PCSK1: variants seen among roughly 807,000 people sequenced by gnomAD.
The protein encoded by PCSK1 is proprotein convertase subtilisin/kexin type 1, also known as neuroendocrine convertase 1.
PCSK1 carries 56 observed loss-of-function variants against 90.6 expected under a neutral mutation model. The ratio of observed to expected loss-of-function variants is 0.62; its 90% CI spans 0.50 to 0.77. The LOEUF (loss-of-function observed/expected upper bound fraction) is 0.77. Among genes scored for constraint, PCSK1 ranks in the 30% least tolerant of loss-of-function variants. PCSK1 has a pLI of 0.00. For missense variants in PCSK1, 801 were observed against 932.6 expected, an observed-to-expected ratio of 0.86 and a Z score of 1.84; for synonymous variants, 348 against 342.4, an observed-to-expected ratio of 1.02 and a Z score of -0.18.
intron 6 of PCSK1, chr5:96,412,782 A>G (rs1243618610): frequency 4.8e-6 from 1 of 210,244 alleles, no homozygotes; most frequent in African/African-American, 1.7e-4. Flanking sequence ...TTTTGGTCCC[A>G]CTCAAGGCTC....
Position 96,432,974 on chromosome 5 carries a change from G to A in PCSK1, c.69C>T (p.Asn23=), listed in dbSNP as rs1761555532. 1 of 1,614,078 alleles carries A rather than the reference G, an allele frequency of 6.2e-7. No homozygotes were observed. The highest frequency in any genetic ancestry group is 1.3e-5 in the African/African-American group (1 of 74,944). ...FVLFCAWCAL[N]SAKAKRQFVN... ...CAAATTGCCTTTTCGCTTTTGCACT[G>A]TTCAGTGCACACCAAGCGCAAAAGA... Residue 23 remains asparagine (N), a synonymous_variant, in exon 1 of 14, where the codon AAC becomes AAT. Transcript: ENST00000311106.
intron 8 of PCSK1, 66 bp downstream of exon 8, chr5:96,410,708 G>T: frequency 7.9e-7 from 1 of 1,272,048 alleles, no homozygotes; most frequent in Non-Finnish European, 1.2e-6. Flanking sequence ...TCAGTTAGGG[G>T]AATCATTTCA....
At chr5:96,428,965 T>C (rs958797448) in intron 2 of PCSK1, among the ~76,000 whole-genome samples, 1 of 152,138 alleles carries the variant, frequency 6.6e-6, no homozygotes, top group African/African-American at 2.4e-5. Flanking sequence ...TAGATATATA[T>C]GTAATTATAT....
chr5:96,424,635 A>G (rs76546406), intron 3 of PCSK1, among the ~76,000 whole-genome samples: 3,750 of 152,288 alleles, frequency 0.025, 152 homozygotes, highest in African/African-American at 0.086. Context: ...GTTAACTGAT[A>G]AGTCTCTTCT....
At chr5:96,398,829 AT>A (rs1760253810) in intron 11 of PCSK1, 49 bp downstream of exon 11, 1 of 1,409,984 alleles carries the variant, frequency 7.1e-7, no homozygotes, top group South Asian at 1.2e-5. Context: ...TATTTGAATC[AT>A]TCAACTTACA....
At chr5:96,413,173 A>T (rs1325610037) in intron 6 of PCSK1, among the ~76,000 whole-genome samples, 1 of 152,218 alleles carries the variant, frequency 6.6e-6, no homozygotes, top group African/African-American at 2.4e-5. Flanking sequence ...CATGCTTCCT[A>T]TTCTTCTAAA....
chr5:96,399,821 A>C, intron 10 of PCSK1, 132 bp downstream of exon 10: 1 of 724,256 alleles, frequency 1.4e-6, no homozygotes, highest in Non-Finnish European at 2.5e-6. Flanking sequence ...GGATACCCAC[A>C]GAGAACACTA....
chr5:96,401,102 A>G (rs2112401718), intron 9 of PCSK1, among the ~76,000 whole-genome samples: 1 of 151,410 alleles, frequency 6.6e-6, no homozygotes, highest in Non-Finnish European at 1.5e-5. Context: ...AAAAAAAAAA[A>G]AAAAAAAAAA....
intron 5 of PCSK1, 123 bp from the exon 6 acceptor site, chr5:96,416,244 G>C: frequency 1.4e-6 from 1 of 720,416 alleles, no homozygotes; most frequent in Non-Finnish European, 2.5e-6. Context: ...GTTTTTGTTT[G>C]TTTGTTTTAA....
At chr5:96,415,232 T>C (rs543272760) in intron 6 of PCSK1, among the ~76,000 whole-genome samples, 2 of 152,186 alleles carry the variant, frequency 1.3e-5, no homozygotes, top group African/African-American at 4.8e-5. Flanking sequence ...TTCAGCCAAC[T>C]GAAGACACCA....
intron 6 of PCSK1, among the ~76,000 whole-genome samples, chr5:96,415,553 A>G (rs1701248422): frequency 6.6e-6 from 1 of 152,218 alleles, no homozygotes; most frequent in Non-Finnish European, 1.5e-5. Flanking sequence ...GATGAAAACA[A>G]TTAAATCCTA....
At chr5:96,412,739 A>G (rs1371730853) in intron 6 of PCSK1, among the ~76,000 whole-genome samples, 1 of 118,708 alleles carries the variant, frequency 8.4e-6, no homozygotes, top group Non-Finnish European at 1.5e-5. Context: ...TGCACTGTGT[A>G]GGCAGCTGTG....
At chr5:96,419,966 G>A (rs1027854825) in intron 5 of PCSK1, among the ~76,000 whole-genome samples, 2 of 151,888 alleles carry the variant, frequency 1.3e-5, no homozygotes, top group Admixed American at 1.3e-4. Flanking sequence ...TGGATCCTGG[G>A]GCCAGACCCA....
chr5:96,395,196 G>C (rs988026178), intron 12 of PCSK1, among the ~76,000 whole-genome samples, 171 bp from the exon 13 acceptor site: 1 of 152,124 alleles, frequency 6.6e-6, no homozygotes, highest in Non-Finnish European at 1.5e-5. Flanking sequence ...ACAATTTGTA[G>C]GTTCAACAGT....
chr5:96,433,180 A>G lies in PCSK1; in HGVS notation c.-138T>C, dbSNP rs1326394009. ...GCTCCTGGTTGCTCTGCGAAGAGCTAGGAGGCGCGAGAGGAGAGGCTGGGC... is the reference window on the plus strand; with the variant it reads ...GCTCCTGGTTGCTCTGCGAAGAGCTGGGAGGCGCGAGAGGAGAGGCTGGGC... On this transcript the variant is annotated 5_prime_UTR_variant, in exon 1 of 14. Coordinates refer to ENST00000311106, the MANE Select transcript of PCSK1 (RefSeq NM_000439.5). The G allele has an allele frequency of 2.5e-5, 20 of 814,386 alleles. No homozygotes were observed. Among genetic ancestry groups the G allele is most frequent in the Non-Finnish European group, 3.7e-5 (18 of 484,480 alleles). 50.4% of individuals were successfully genotyped at this position (814,386 alleles called of 1,614,324 possible). A position where few individuals can be genotyped will look rare whatever the true frequency, so the allele number is the denominator to read the frequency against.
chr5:96,408,595 A>T (rs975861033), intron 8 of PCSK1, among the ~76,000 whole-genome samples: 5 of 152,232 alleles, frequency 3.3e-5, no homozygotes, highest in African/African-American at 1.2e-4. Context: ...CTTTTCTGAG[A>T]TTCCCAAACG....
At chr5:96,408,824 T>C (rs534074541) in intron 8 of PCSK1, among the ~76,000 whole-genome samples, 2 of 152,346 alleles carry the variant, frequency 1.3e-5, no homozygotes, top group Admixed American at 1.3e-4. Context: ...AAATGCTTAA[T>C]ATGTAGTTTG....
intron 13 of PCSK1, among the ~76,000 whole-genome samples, chr5:96,394,336 A>T (rs548024819): frequency 7.9e-5 from 12 of 152,248 alleles, no homozygotes; most frequent in Non-Finnish European, 1.3e-4. Flanking sequence ...ATCCTCTGAA[A>T]TTTTTTGAGA....
rs768086283 is a variant in PCSK1 at position 96,410,900 on chromosome 5, T to G, written c.969A>C (p.Thr323=). The part of the protein sequence containing the change: ...QGDNCDCDGY[T]DSIYTISISS... ...TGATGGAGATGGTGTAGATGCTGTC[T>G]GTGTAGCCATCACAGTCACAATTAT... Residue 323 remains threonine (T), a synonymous_variant, in exon 8 of 14, where the codon ACA becomes ACC. Transcript: ENST00000311106. 4 of 1,613,606 alleles carry G rather than the reference T, an allele frequency of 2.5e-6. No homozygotes were observed. Among genetic ancestry groups the G allele is most frequent in the Non-Finnish European group, 3.4e-6 (4 of 1,179,800 alleles).
Sources: gnomAD v4.1 joint callset for allele counts (sites outside exome capture counted in the v4.1 genomes callset) on GRCh38, gnomAD v4.1.1 for gene constraint, MANE v1.5 for transcripts, NCBI Gene and HGNC (gene_info 2026-07-23, HGNC 2026-07-21) for gene names.